Variants in VPS13A observed in about 807,000 individuals in gnomAD.
VPS13A encodes the protein vacuolar protein sorting 13 homolog A.
A neutral mutation model predicts 390.9 loss-of-function variants in VPS13A; 264 were observed. The ratio of observed to expected loss-of-function variants is 0.68; its 90% CI spans 0.61 to 0.75. The LOEUF is 0.75. VPS13A is among the 30% of genes least tolerant of loss of function. The pLI is 0.00. For missense variants in VPS13A, 3,409 were observed against 3,733.9 expected, an observed-to-expected ratio of 0.91 and a Z score of 2.27; for synonymous variants, 1,231 against 1,227.1, an observed-to-expected ratio of 1.00 and a Z score of -0.07.
intron 68 of VPS13A, among the ~76,000 whole-genome samples, chr9:77,400,172 A>G (rs1054393354): frequency 1.5e-5 from 2 of 134,898 alleles, no homozygotes; most frequent in African/African-American, 2.9e-5. Flanking sequence ...ATTGATTTGC[A>G]TTTTCCTAAT....
intron 35 of VPS13A, among the ~76,000 whole-genome samples, chr9:77,313,222 C>A (rs141642704): frequency 6.6e-6 from 1 of 152,016 alleles, no homozygotes; most frequent in Non-Finnish European, 1.5e-5. Context: ...ATACAAAATT[C>A]GTCTATGATG....
chr9:77,189,067 G>T (rs145708559), intron 1 of VPS13A, among the ~76,000 whole-genome samples: 1 of 145,238 alleles, frequency 6.9e-6, no homozygotes, highest in African/African-American at 2.6e-5. Context: ...TAGATTGTCT[G>T]TTTACTCTGT....
intron 61 of VPS13A, among the ~76,000 whole-genome samples, chr9:77,367,132 T>G (rs1475007030): frequency 6.6e-6 from 1 of 152,148 alleles, no homozygotes; most frequent in Non-Finnish European, 1.5e-5. Context: ...TAAAAGATCT[T>G]TCTGGCTTAG....
At position 77,339,805 on chromosome 9, in the gene VPS13A, G is replaced by A. The variant is rs186817145; in HGVS notation, c.6668G>A (p.Arg2223His). ...SPYWMVNKTG[R>H]MLQYKADGIH... ...TATTGGATGGTCAATAAAACTGGCC[G>A]CATGTTACAGTACAAAGCAGACGGA... The change falls in exon 48 of 72, where the codon CGC becomes CAC. Residue 2223 changes from arginine (R) to histidine (H), a missense_variant. By Grantham distance (29) the Arg-to-His change is conservative. This residue lies in a region of VPS13A where 2,717 missense variants were observed against 2,917.4 expected (regional missense o/e 0.93). Transcript: ENST00000360280. 2.4e-5 allele frequency: 38 copies of A among 1,613,966 alleles called. No homozygotes were observed. The highest frequency in any genetic ancestry group is 5.5e-5 in the South Asian group (5 of 91,072).
rs781249431 is a variant in VPS13A, at chr9:77,403,295, GAC to G, written c.9251_9252del (p.Thr3084ArgfsTer24). 1.9e-6 allele frequency: 3 copies of G among 1,612,002 alleles called. No individual in the cohort carries two copies. Among genetic ancestry groups the G allele is most frequent in the Non-Finnish European group, 2.5e-6 (3 of 1,179,676 alleles). On this transcript the variant is annotated frameshift_variant, in exon 69 of 72. Transcript: ENST00000360280. LOFTEE classifies it high-confidence loss of function. ...ATTTTACCCATGTCATGATCAATAA[GAC>G]AGATATGCTAATGATAACCAGACGG... ...KYFTHVMINKTDMLMITRRGV... is the reference protein window; with the variant it reads ...KYFTHVMINKXDMLMITRRGV...
chr9:77,385,224 A>G (rs1200668851), intron 68 of VPS13A: 2 of 858,600 alleles, frequency 2.3e-6, no homozygotes, highest in Non-Finnish European at 2.8e-6. Flanking sequence ...TCCCCAAATC[A>G]TATAGATTGA....
At chr9:77,309,940 GT>G (rs1422877900) in intron 35 of VPS13A, among the ~76,000 whole-genome samples, 1 of 151,884 alleles carries the variant, frequency 6.6e-6, no homozygotes, top group African/African-American at 2.4e-5. Flanking sequence ...GATTTTTGTT[GT>G]TTTTTATTTA....
chr9:77,179,190 G>A (rs1823848313), intron 1 of VPS13A, among the ~76,000 whole-genome samples: 2 of 152,178 alleles, frequency 1.3e-5, no homozygotes, highest in African/African-American at 4.8e-5. Context: ...ATTCAGGGTG[G>A]AGGTTTGTCT....
At chr9:77,385,399 G>A (rs1344446342) in intron 68 of VPS13A, among the ~76,000 whole-genome samples, 1 of 151,608 alleles carries the variant, frequency 6.6e-6, no homozygotes, top group African/African-American at 2.4e-5. Flanking sequence ...GGTTTTAATA[G>A]TCATTATATT....
At position 77,314,617 on chromosome 9, in the gene VPS13A, CTG is replaced by C. The variant is rs1340753734; in HGVS notation, c.4367_4368del (p.Cys1456TyrfsTer4). ...CATTTTCTTCCTTCTCATTAAAAAA[CTG>C]TATTTTAGATGATAAAAGACCTCAT... ...STFSSFSLKN[C>X]ILDDKRPHVK... On this transcript the variant is annotated frameshift_variant, in exon 37 of 72. Transcript: ENST00000360280. LOFTEE classifies it high-confidence loss of function. 6.2e-7 allele frequency: 1 copy of C among 1,612,154 alleles called. No homozygotes were observed. The highest frequency in any genetic ancestry group is 8.5e-7 in the Non-Finnish European group (1 of 1,178,960).
intron 19 of VPS13A, among the ~76,000 whole-genome samples, chr9:77,242,600 G>A (rs760524805): frequency 1.3e-5 from 2 of 151,722 alleles, no homozygotes; most frequent in Non-Finnish European, 2.9e-5. Flanking sequence ...TCTGTATATT[G>A]GTATATTATA....
At chr9:77,293,272 TTTTA>T in intron 31 of VPS13A, 65 bp from the exon 32 acceptor site, 1 of 1,404,792 alleles carries the variant, frequency 7.1e-7, no homozygotes, top group Non-Finnish European at 1.0e-6. Flanking sequence ...TTTTTTACTG[TTTTA>T]TTTTTGTACT....
rs528581575 is a variant in VPS13A, at chr9:77,244,585, G to A, written c.1901-2674G>A. Among the ~76,000 whole-genome samples the A allele has an allele frequency of 5.3e-5, 8 of 152,308 alleles. No homozygotes were observed. In the South Asian group the frequency reaches 1.7e-3, roughly 32 times the overall value. ...CACATTATGCATTGTGTTGGAGAAA[G>A]GCACAGTGTTACAGGATATTGCTAA... On this transcript the variant is annotated intron_variant, in intron 19 of 71. Coordinates refer to ENST00000360280, the MANE Select transcript of VPS13A (RefSeq NM_033305.3).
intron 23 of VPS13A, 23 bp downstream of exon 23, chr9:77,260,247 T>C (rs750583197): frequency 6.2e-7 from 1 of 1,607,812 alleles, no homozygotes; most frequent in East Asian, 2.2e-5. Context: ...TCAAAATTAA[T>C]ATAAGCATGA....
intron 46 of VPS13A, among the ~76,000 whole-genome samples, chr9:77,333,004 G>A (rs987011525): frequency 2.6e-5 from 4 of 152,132 alleles, no homozygotes; most frequent in African/African-American, 7.2e-5. Flanking sequence ...TTATTGCTTA[G>A]TTCAGACTTG....
intron 1 of VPS13A, among the ~76,000 whole-genome samples, chr9:77,198,162 T>C (rs1204138656): frequency 3.3e-5 from 5 of 152,106 alleles, no homozygotes; most frequent in African/African-American, 9.7e-5. Context: ...ATTTTTTTTT[T>C]CAAGTGAGAA....
chr9:77,243,685 T>C (rs1195489326), intron 19 of VPS13A, among the ~76,000 whole-genome samples: 1 of 152,204 alleles, frequency 6.6e-6, no homozygotes, highest in Non-Finnish European at 1.5e-5. Flanking sequence ...CTAATCTATA[T>C]GTCAGACACT....
chr9:77,420,383 A>T lies in VPS13A; in HGVS notation c.*4377A>T, dbSNP rs1268334980. The T allele has an allele frequency of 6.6e-6, 1 of 152,004 alleles. No individual in the cohort carries two copies. Among genetic ancestry groups the T allele is most frequent in the African/African-American group, 2.4e-5 (1 of 41,374 alleles). 9.4% of individuals were successfully genotyped at this position (152,004 alleles called of 1,614,324 possible). A position where few individuals can be genotyped will look rare whatever the true frequency, so the allele number is the denominator to read the frequency against. Reference sequence around the variant, plus strand: ...TTTTATTGAAACCTTTTTCTACTTTATATTTCCTCTTTTGTAAATTTTTCC... The same window carrying T: ...TTTTATTGAAACCTTTTTCTACTTTTTATTTCCTCTTTTGTAAATTTTTCC... On this transcript the variant is annotated 3_prime_UTR_variant, in exon 72 of 72. Coordinates refer to ENST00000360280, the MANE Select transcript of VPS13A (RefSeq NM_033305.3).
At chr9:77,267,958 T>G (rs1452436892) in intron 23 of VPS13A, among the ~76,000 whole-genome samples, 1 of 152,204 alleles carries the variant, frequency 6.6e-6, no homozygotes, top group Non-Finnish European at 1.5e-5. Flanking sequence ...GCAACTTTGT[T>G]TACACTGTGA....
Sources: allele counts gnomAD v4.1 joint callset (sites outside exome capture counted in the v4.1 genomes callset), GRCh38; gene constraint gnomAD v4.1.1; regional missense constraint gnomAD v4.1.1; transcripts MANE v1.5; gene names NCBI Gene and HGNC (gene_info 2026-07-23, HGNC 2026-07-21).